RAB3GAP1: variants seen among roughly 807,000 people sequenced by gnomAD.
The protein encoded by RAB3GAP1 is rab3 GTPase-activating protein catalytic subunit.
Under a neutral mutation model 130.7 loss-of-function variants are expected in RAB3GAP1, and 86 were observed. The ratio of observed to expected loss-of-function variants is 0.66; its 90% CI spans 0.55 to 0.79. The LOEUF is 0.79. RAB3GAP1 is among the 30% of genes least tolerant of loss of function. RAB3GAP1 has a pLI of 0.00. For missense variants in RAB3GAP1, 1,029 were observed against 1,169.4 expected (o/e 0.88, Z 1.75); for synonymous variants, 367 against 401.7 (o/e 0.91, Z 1.03).
chr2:135,171,186 TGTG>T (rs1692841899), downstream of RAB3GAP1, among the ~76,000 whole-genome samples: 2 of 152,050 alleles, frequency 1.3e-5, no homozygotes, highest in African/African-American at 4.8e-5. Context: ...TTGGCTGAAG[TGTG>T]GTATCTAGAG....
intron 17 of RAB3GAP1, among the ~76,000 whole-genome samples, chr2:135,142,886 AT>A (rs1380929390): frequency 2.4e-3 from 322 of 135,778 alleles, no homozygotes; most frequent in Middle Eastern, 3.8e-3. Context: ...GCTGGAGTTT[AT>A]TTTTTTTTTT....
At chr2:135,118,203 A>T (rs751162685) in intron 7 of RAB3GAP1, among the ~76,000 whole-genome samples, 25 of 151,994 alleles carry the variant, frequency 1.6e-4, no homozygotes, top group African/African-American at 5.6e-4. Context: ...TTTATGTCAC[A>T]TCTCTTTTTT....
chr2:135,131,236 A>AT (rs1042607562), intron 13 of RAB3GAP1, among the ~76,000 whole-genome samples: 7 of 151,448 alleles, frequency 4.6e-5, no homozygotes, highest in African/African-American at 1.2e-4. Context: ...TTATTTATTT[A>AT]TTTTTTTTGA....
intron 5 of RAB3GAP1, among the ~76,000 whole-genome samples, chr2:135,109,487 G>A (rs1319803574): frequency 6.6e-6 from 1 of 151,570 alleles, no homozygotes; most frequent in Non-Finnish European, 1.5e-5. Flanking sequence ...TGGTTTTGTA[G>A]CATAGATATA....
chr2:135,115,240 T>A lies in RAB3GAP1; in HGVS notation c.507T>A (p.Ile169=), dbSNP rs755834907. The A allele has an allele frequency of 1.4e-5, 23 of 1,612,066 alleles. No individual in the cohort carries two copies. The highest frequency in any genetic ancestry group is 1.8e-5 in the Non-Finnish European group (21 of 1,178,296). Residue 169 remains isoleucine, a synonymous_variant, in exon 7 of 24, where the codon ATT becomes ATA. Coordinates refer to ENST00000264158, the MANE Select transcript of RAB3GAP1 (RefSeq NM_012233.3). The part of the protein sequence containing the change: ...TGCQVPLFVQ[I]HHKWRRMYVG... ...GTCAGGTGCCACTCTTTGTGCAAAT[T>A]CACCACAAATGGCGAAGAATGTATG...
At chr2:135,095,916 G>GAC (rs2104883239) in intron 5 of RAB3GAP1, among the ~76,000 whole-genome samples, 1 of 152,104 alleles carries the variant, frequency 6.6e-6, no homozygotes, top group South Asian at 2.1e-4. Flanking sequence ...GAGAGAGAGA[G>GAC]ACCACATTTA....
At chr2:135,117,570 GCTT>G (rs1289347100) in intron 7 of RAB3GAP1, among the ~76,000 whole-genome samples, 117 of 20,836 alleles carry the variant, frequency 5.6e-3, no homozygotes, top group African/African-American at 0.01. Context: ...TTCTTCTTCT[GCTT>G]CTTCTTCTGC....
chr2:135,117,813 TTCTTCTTTC>T (rs1488970694), intron 7 of RAB3GAP1, among the ~76,000 whole-genome samples: 29 of 130,824 alleles, frequency 2.2e-4, no homozygotes, highest in East Asian at 8.9e-4. Flanking sequence ...TTCTTCTTTC[TTCTTCTTTC>T]TTCTTCTTCT....
At chr2:135,120,442 A>G (rs1387875550) in intron 7 of RAB3GAP1, among the ~76,000 whole-genome samples, 3 of 152,212 alleles carry the variant, frequency 2.0e-5, no homozygotes, top group Non-Finnish European at 1.5e-5. Context: ...TTCTTTGGAA[A>G]GTTTACTTTT....
intron 5 of RAB3GAP1, among the ~76,000 whole-genome samples, chr2:135,095,056 C>CT (rs373345360): frequency 2.6e-4 from 39 of 151,672 alleles, no homozygotes; most frequent in South Asian, 1.0e-3. Flanking sequence ...TGCAAGCAGG[C>CT]TTTTTTTTGT....
chr2:135,053,759 T>TA (rs148189477), intron 2 of RAB3GAP1, among the ~76,000 whole-genome samples: 6,401 of 152,218 alleles, frequency 0.042, 161 homozygotes, highest in African/African-American at 0.056. Context: ...CATATATTTT[T>TA]AAAAAACAAC....
intron 7 of RAB3GAP1, among the ~76,000 whole-genome samples, chr2:135,117,606 GCTTCTTCTGCTT>G (rs1691042410): frequency 1.1e-4 from 2 of 17,836 alleles, no homozygotes; most frequent in Admixed American, 1.1e-3. Flanking sequence ...TGCTTCTTCT[GCTTCTTCTGCTT>G]CTGCTTCTTC....
At chr2:135,142,534 G>T (rs1691871412) in intron 17 of RAB3GAP1, among the ~76,000 whole-genome samples, 1 of 152,130 alleles carries the variant, frequency 6.6e-6, no homozygotes, top group Admixed American at 6.5e-5. Context: ...TCTTATTGCA[G>T]TGGCTAGGAC....
chr2:135,082,659 T>G (rs1013223702), intron 3 of RAB3GAP1, among the ~76,000 whole-genome samples: 1 of 152,142 alleles, frequency 6.6e-6, no homozygotes, highest in Non-Finnish European at 1.5e-5. Flanking sequence ...CAGGCTGGTC[T>G]CAAACTTCTG....
chr2:135,087,593 T>A (rs888231572), intron 3 of RAB3GAP1, among the ~76,000 whole-genome samples: 4 of 152,218 alleles, frequency 2.6e-5, no homozygotes, highest in African/African-American at 9.6e-5. Context: ...TTTTTGCTCA[T>A]CTTTCATTAA....
At chr2:135,172,738 G>T (rs560693143), downstream of RAB3GAP1, among the ~76,000 whole-genome samples, 1 of 152,194 alleles carries the variant, frequency 6.6e-6, no homozygotes, top group East Asian at 1.9e-4. Context: ...GCTGCTGCGA[G>T]TGATGAATTT....
intron 17 of RAB3GAP1, among the ~76,000 whole-genome samples, chr2:135,148,394 A>G (rs1692063971): frequency 6.6e-6 from 1 of 152,106 alleles, no homozygotes; most frequent in African/African-American, 2.4e-5. Flanking sequence ...CATAAAATAC[A>G]TGGCTAGAAA....
intron 2 of RAB3GAP1, among the ~76,000 whole-genome samples, chr2:135,053,607 A>T (rs1455023117): frequency 6.6e-6 from 1 of 152,202 alleles, no homozygotes; most frequent in Non-Finnish European, 1.5e-5. Flanking sequence ...GGAAAATATA[A>T]AAGGTCCTTG....
chr2:135,160,137 G>A (rs1692424715), intron 19 of RAB3GAP1, among the ~76,000 whole-genome samples: 1 of 152,138 alleles, frequency 6.6e-6, no homozygotes, highest in African/African-American at 2.4e-5. Context: ...TTAAAGTGGT[G>A]AATTTTATGG....
Sources: allele counts gnomAD v4.1 joint callset (sites outside exome capture counted in the v4.1 genomes callset), GRCh38; gene constraint gnomAD v4.1.1; transcripts MANE v1.5; gene names NCBI Gene and HGNC (gene_info 2026-07-23, HGNC 2026-07-21).